COL22A1: variants seen among roughly 807,000 people sequenced by gnomAD.
COL22A1 encodes collagen type XXII alpha 1 chain.
A neutral mutation model predicts 248.9 loss-of-function variants in COL22A1; 221 were observed. That is an observed-to-expected ratio of 0.89 (90% CI 0.80 to 0.99). The LOEUF (loss-of-function observed/expected upper bound fraction) is 0.99. Ranked by LOEUF, COL22A1 falls within the 50% of genes least tolerant of loss-of-function variation. The pLI is 0.00. For missense variants in COL22A1, 2,240 were observed against 2,179.0 expected, an observed-to-expected ratio of 1.03 and a Z score of -0.56; for synonymous variants, 891 against 793.4, an observed-to-expected ratio of 1.12 and a Z score of -2.07.
At chr8:138,898,023 G>A (rs1321587417) in intron 1 of COL22A1, among the ~76,000 whole-genome samples, 2 of 152,094 alleles carry the variant, frequency 1.3e-5, no homozygotes, top group East Asian at 1.9e-4. Context: ...CAGATGGGGC[G>A]AGAGATCTCT....
intron 3 of COL22A1, among the ~76,000 whole-genome samples, chr8:138,865,928 T>C (rs1325399743): frequency 6.6e-6 from 1 of 151,574 alleles, no homozygotes; most frequent in Non-Finnish European, 1.5e-5. Flanking sequence ...AGTGTATATG[T>C]GTGTGTATGT....
At chr8:138,696,910 C>G (rs1371277476) in intron 32 of COL22A1, among the ~76,000 whole-genome samples, 2 of 152,160 alleles carry the variant, frequency 1.3e-5, no homozygotes, top group Non-Finnish European at 2.9e-5. Flanking sequence ...TGGGGATTTG[C>G]AAGTCTTTTT....
chr8:138,601,850 T>A (rs571518941), intron 60 of COL22A1, among the ~76,000 whole-genome samples: 1 of 152,246 alleles, frequency 6.6e-6, no homozygotes, highest in East Asian at 1.9e-4. Context: ...CTAATTGTGA[T>A]GATTTTAGTC....
intron 22 of COL22A1, among the ~76,000 whole-genome samples, chr8:138,750,931 TG>T (rs1334709061): frequency 6.6e-6 from 1 of 152,154 alleles, no homozygotes; most frequent in Non-Finnish European, 1.5e-5. Flanking sequence ...AGTACGGCAT[TG>T]TTTCAAGAGC....
chr8:138,716,957 G>T, intron 27 of COL22A1, 88 bp from the exon 28 acceptor site: 2 of 965,728 alleles, frequency 2.1e-6, no homozygotes, highest in Non-Finnish European at 3.4e-6. Context: ...CACATTCATA[G>T]CACCTGCCAG....
At chr8:138,779,013 C>G (rs764219900) in intron 14 of COL22A1, among the ~76,000 whole-genome samples, 2 of 152,190 alleles carry the variant, frequency 1.3e-5, no homozygotes, top group African/African-American at 4.8e-5. Flanking sequence ...TTTAATCTAT[C>G]CTACTGCAAT....
intron 7 of COL22A1, among the ~76,000 whole-genome samples, chr8:138,813,543 T>C (rs994892651): frequency 6.6e-6 from 1 of 152,222 alleles, no homozygotes; most frequent in African/African-American, 2.4e-5. Context: ...GTCTTGAGTA[T>C]GTCGTTATTA....
intron 2 of COL22A1, among the ~76,000 whole-genome samples, chr8:138,880,240 A>C (rs1402497529): frequency 1.3e-5 from 2 of 152,226 alleles, no homozygotes; most frequent in Admixed American, 6.5e-5. Context: ...AGGAATCCTT[A>C]TTTACCAGCA....
chr8:138,646,640 C>A lies in COL22A1; in HGVS notation c.3490G>T (p.Ala1164Ser). The A allele has an allele frequency of 6.3e-7, 1 of 1,583,994 alleles. No homozygotes were observed. Among genetic ancestry groups the A allele is most frequent in the Non-Finnish European group, 8.6e-7 (1 of 1,164,706 alleles). ...GAAGTCTCACTGACCTGTGGTCCAG[C>A]TATTCCTGGGGGCCCTGGTAGGCCT... is the stretch of plus-strand genomic sequence containing the variant. ...PPGLPGPPGI[A>S]GPQGSQGERG... Residue 1164 changes from alanine (A) to serine (S), a missense_variant, in exon 47 of 65, where the codon GCT becomes TCT. Physicochemically the swap from Ala to Ser is moderately conservative, Grantham distance 99. Transcript: ENST00000303045.
chr8:138,667,882 G>C (rs1315035427), intron 41 of COL22A1, among the ~76,000 whole-genome samples: 1 of 151,756 alleles, frequency 6.6e-6, no homozygotes, highest in Non-Finnish European at 1.5e-5. Context: ...ACAACATCAA[G>C]CCAGAATCAG....
intron 3 of COL22A1, among the ~76,000 whole-genome samples, chr8:138,852,606 C>T (rs1821726878): frequency 1.3e-5 from 2 of 152,138 alleles, no homozygotes; most frequent in Admixed American, 1.3e-4. Context: ...GTGTTTAAAG[C>T]ATCGGGAGTG....
At chr8:138,816,688 G>C (rs1355603512) in intron 7 of COL22A1, among the ~76,000 whole-genome samples, 2 of 152,168 alleles carry the variant, frequency 1.3e-5, no homozygotes, top group Non-Finnish European at 2.9e-5. Flanking sequence ...GGCTGTGGTG[G>C]GAACCAAGGA....
At chr8:138,800,130 C>G (rs1477281256) in intron 11 of COL22A1, among the ~76,000 whole-genome samples, 1 of 152,226 alleles carries the variant, frequency 6.6e-6, no homozygotes, top group African/African-American at 2.4e-5. Flanking sequence ...CCATGGCCCT[C>G]TTCTCTTGGA....
intron 1 of COL22A1, among the ~76,000 whole-genome samples, chr8:138,907,481 C>T (rs567014497): frequency 6.6e-6 from 1 of 152,310 alleles, no homozygotes; most frequent in East Asian, 1.9e-4. Flanking sequence ...AAAAACCATC[C>T]AGGAATGGCT....
intron 1 of COL22A1, among the ~76,000 whole-genome samples, chr8:138,887,965 ATTT>A (rs1824789945): frequency 6.6e-6 from 1 of 152,068 alleles, no homozygotes; most frequent in Non-Finnish European, 1.5e-5. Context: ...TTTCCCATGC[ATTT>A]CTTTGTTCCA....
intron 60 of COL22A1, among the ~76,000 whole-genome samples, chr8:138,599,560 A>T (rs1210862810): frequency 6.6e-6 from 1 of 151,980 alleles, no homozygotes; most frequent in Non-Finnish European, 1.5e-5. Context: ...CATTAGCAAA[A>T]TTTTTTTTAA....
chr8:138,691,337 A>G (rs981216546), intron 35 of COL22A1, among the ~76,000 whole-genome samples: 1 of 148,910 alleles, frequency 6.7e-6, no homozygotes, highest in Non-Finnish European at 1.5e-5. Flanking sequence ...ATGTGTGTGC[A>G]TGCGTGTGTG....
At chr8:138,787,127 A>G (rs1815599386) in intron 12 of COL22A1, among the ~76,000 whole-genome samples, 1 of 152,108 alleles carries the variant, frequency 6.6e-6, no homozygotes, top group African/African-American at 2.4e-5. Context: ...AACTAAGAAC[A>G]CTCATCCAAG....
intron 35 of COL22A1, among the ~76,000 whole-genome samples, chr8:138,692,620 C>G (rs1827185562): frequency 6.6e-6 from 1 of 152,026 alleles, no homozygotes; most frequent in Admixed American, 6.6e-5. Context: ...TGGGTCAACT[C>G]TATAGGTGCA....
Sources: gnomAD v4.1 joint callset for allele counts (sites outside exome capture counted in the v4.1 genomes callset) on GRCh38, gnomAD v4.1.1 for gene constraint, MANE v1.5 for transcripts, NCBI Gene and HGNC (gene_info 2026-07-23, HGNC 2026-07-21) for gene names.